SLC39A11: variants seen among roughly 807,000 people sequenced by gnomAD.
The protein encoded by SLC39A11 is solute carrier family 39 member 11.
Under a neutral mutation model 36.1 loss-of-function variants are expected in SLC39A11, and 33 were observed. The observed-to-expected ratio is 0.91, with a 90% CI of 0.69 to 1.22. The LOEUF (loss-of-function observed/expected upper bound fraction) is 1.22. Ranked by LOEUF, SLC39A11 falls within the 50% of genes most tolerant of loss-of-function variation. The pLI is 0.00. For synonymous variants in SLC39A11, 166 were observed against 170.3 expected (o/e 0.97, Z 0.20); for missense variants, 432 against 430.3 (o/e 1.00, Z -0.03).
intron 7 of SLC39A11, among the ~76,000 whole-genome samples, chr17:72,726,044 A>C (rs2073917124): frequency 1.3e-5 from 2 of 152,230 alleles, no homozygotes; most frequent in Non-Finnish European, 2.9e-5. Context: ...GCCACTCTCC[A>C]GGGAGACCAG....
chr17:72,788,274 C>T (rs1458915422), intron 6 of SLC39A11, among the ~76,000 whole-genome samples: 5 of 152,206 alleles, frequency 3.3e-5, no homozygotes, highest in African/African-American at 1.2e-4. Context: ...CTGGATCCAG[C>T]TCTCCTAACA....
chr17:73,087,679 AG>A (rs1323902190), intron 2 of SLC39A11, among the ~76,000 whole-genome samples: 1 of 151,836 alleles, frequency 6.6e-6, no homozygotes, highest in East Asian at 1.9e-4. Flanking sequence ...AGCGTGTAGA[AG>A]GGGTGTAAGG....
intron 4 of SLC39A11, among the ~76,000 whole-genome samples, chr17:72,952,236 G>T (rs2085914989): frequency 6.6e-6 from 1 of 152,180 alleles, no homozygotes; most frequent in Non-Finnish European, 1.5e-5. Flanking sequence ...CCCAGGCACT[G>T]GCCTCCCAGG....
intron 4 of SLC39A11, among the ~76,000 whole-genome samples, chr17:72,949,144 CTTTTTTTTTTTTTTT>C (rs56036208): frequency 4.9e-4 from 18 of 36,474 alleles, no homozygotes; most frequent in South Asian, 3.3e-3. Flanking sequence ...CACTGGGCAG[CTTTTTTTTTTTTTTT>C]TTTTTTTTTT....
At chr17:72,898,662 T>A (rs1205958278) in intron 5 of SLC39A11, among the ~76,000 whole-genome samples, 1 of 152,182 alleles carries the variant, frequency 6.6e-6, no homozygotes, top group Admixed American at 6.5e-5. Context: ...CATGCACACA[T>A]ATATGCATGC....
chr17:72,947,463 C>T (rs925415067), intron 5 of SLC39A11: 1 of 443,560 alleles, frequency 2.3e-6, no homozygotes, highest in Non-Finnish European at 4.1e-6. Context: ...GCAGCCCCAT[C>T]ACCATCAGAG....
At chr17:72,882,988 G>A (rs1316758266) in intron 5 of SLC39A11, among the ~76,000 whole-genome samples, 3 of 151,778 alleles carry the variant, frequency 2.0e-5, no homozygotes, top group African/African-American at 7.3e-5. Flanking sequence ...GTAGAGATGG[G>A]GTTTCATCAT....
chr17:72,881,425 G>A (rs1241156507), intron 5 of SLC39A11, among the ~76,000 whole-genome samples: 2 of 152,102 alleles, frequency 1.3e-5, no homozygotes, highest in African/African-American at 4.8e-5. Flanking sequence ...CTTTTTGTAC[G>A]TCAATCATAC....
intron 4 of SLC39A11, among the ~76,000 whole-genome samples, chr17:72,952,687 G>A (rs2085952955): frequency 6.6e-6 from 1 of 152,136 alleles, no homozygotes; most frequent in Non-Finnish European, 1.5e-5. Flanking sequence ...GTTTGATTTG[G>A]TTTTCATCTC....
At chr17:72,769,803 A>G (rs1259065247) in intron 6 of SLC39A11, among the ~76,000 whole-genome samples, 1 of 152,156 alleles carries the variant, frequency 6.6e-6, no homozygotes, top group Non-Finnish European at 1.5e-5. Flanking sequence ...TCGGCCTCCC[A>G]AAGTGCTGGG....
At chr17:72,886,148 T>A (rs2081427813) in intron 5 of SLC39A11, among the ~76,000 whole-genome samples, 1 of 152,180 alleles carries the variant, frequency 6.6e-6, no homozygotes, top group Non-Finnish European at 1.5e-5. Context: ...CTTCCCGATT[T>A]CCAAATGGAG....
chr17:72,820,070 A>G (rs1016839753), intron 6 of SLC39A11, among the ~76,000 whole-genome samples: 1 of 151,310 alleles, frequency 6.6e-6, no homozygotes, highest in African/African-American at 2.4e-5. Flanking sequence ...AGCACGCCAA[A>G]GCCAGAAAAC....
intron 5 of SLC39A11, among the ~76,000 whole-genome samples, chr17:72,852,204 C>CAAAAAAAAAAAAG (rs2079373713): frequency 2.5e-5 from 1 of 39,892 alleles, no homozygotes; most frequent in Non-Finnish European, 5.2e-5. Flanking sequence ...GACTCCGTCT[C>CAAAAAAAAAAAAG]AAAAAAAAAA....
chr17:72,840,714 G>A (rs1185050828), intron 6 of SLC39A11, among the ~76,000 whole-genome samples: 2 of 151,956 alleles, frequency 1.3e-5, no homozygotes, highest in African/African-American at 2.4e-5. Context: ...CTGAGATCGC[G>A]CCACTGCACT....
At chr17:72,670,525 A>G (rs898976729) in intron 7 of SLC39A11, among the ~76,000 whole-genome samples, 1 of 152,188 alleles carries the variant, frequency 6.6e-6, no homozygotes, top group African/African-American at 2.4e-5. Flanking sequence ...ATTAATTGAA[A>G]TTTATCTATA....
intron 6 of SLC39A11, among the ~76,000 whole-genome samples, chr17:72,778,595 T>C (rs2076209832): frequency 6.6e-6 from 1 of 152,252 alleles, no homozygotes. Context: ...AAAATGATGA[T>C]GGCCTGAGAC....
At chr17:72,898,625 C>T (rs1386908406) in intron 5 of SLC39A11, among the ~76,000 whole-genome samples, 1 of 152,194 alleles carries the variant, frequency 6.6e-6, no homozygotes, top group African/African-American at 2.4e-5. Context: ...CATGCAAGCA[C>T]ATGCATATAC....
chr17:72,733,873 G>A (rs1405774896), intron 7 of SLC39A11, among the ~76,000 whole-genome samples: 4 of 152,120 alleles, frequency 2.6e-5, no homozygotes, highest in African/African-American at 7.2e-5. Context: ...CTGCAGGGCT[G>A]GCTTCTCTGG....
At chr17:72,882,797 CTTTTT>C (rs972532779) in intron 5 of SLC39A11, among the ~76,000 whole-genome samples, 1 of 60,606 alleles carries the variant, frequency 1.7e-5, no homozygotes, top group Admixed American at 1.6e-4. Context: ...GAGAATGCTT[CTTTTT>C]TTTTTTTTTT....
Sources: allele counts gnomAD v4.1 joint callset (sites outside exome capture counted in the v4.1 genomes callset), GRCh38; gene constraint gnomAD v4.1.1; transcripts MANE v1.5; gene names NCBI Gene and HGNC (gene_info 2026-07-23, HGNC 2026-07-21).